Variants in RARA observed in about 807,000 individuals in gnomAD.
The protein encoded by RARA is PML-DDX5-RARA fusion.
Under a neutral mutation model 42.8 loss-of-function variants are expected in RARA, and 5 were observed. The observed-to-expected ratio is 0.12, with a 90% CI of 0.06 to 0.25. The LOEUF is 0.25. Among genes scored for constraint, RARA ranks in the 10% least tolerant of loss-of-function variants. The probability of loss-of-function intolerance (pLI) is 1.00; values close to 1 mark genes in which losing one functional copy is unlikely to be tolerated. For synonymous variants in RARA, 256 were observed against 259.5 expected, an observed-to-expected ratio of 0.99 and a Z score of 0.13; for missense variants, 402 against 628.7, an observed-to-expected ratio of 0.64 and a Z score of 3.86.
chr17:40,346,586 G>A (rs1261796027), intron 2 of RARA, among the ~76,000 whole-genome samples: 1 of 151,942 alleles, frequency 6.6e-6, no homozygotes, highest in Non-Finnish European at 1.5e-5. Flanking sequence ...ACAACAAAGG[G>A]CTGCTTTGTG....
Position 40,352,653 on chromosome 17 carries a change from A to C in RARA, c.807+146A>C. On this transcript the variant is annotated intron_variant, in intron 6 of 8. Coordinates refer to ENST00000254066, the MANE Select transcript of RARA (RefSeq NM_000964.4). This position sits in a 1 kb window ranked among gnomAD's most constrained non-coding sequence, Gnocchi z 4.9. ...CCAAATGTCTGCCCTTCCTCTCCCC[A>C]TATGTCCACCTGTCCACTCGTCTCC... The C allele has an allele frequency of 1.3e-6, 1 of 767,366 alleles. No individual in the cohort carries two copies. The highest frequency in any genetic ancestry group is 2.0e-6 in the Non-Finnish European group (1 of 507,822). The allele number at this position is 767,366 out of a possible 1,614,324, so 47.5% of individuals were successfully genotyped here. A position where few individuals can be genotyped will look rare whatever the true frequency, so the allele number is the denominator to read the frequency against.
At chr17:40,332,264 C>T (rs979135101) in intron 2 of RARA, among the ~76,000 whole-genome samples, 32 of 152,076 alleles carry the variant, frequency 2.1e-4, no homozygotes, top group African/African-American at 9.7e-5. Context: ...AGGAGGGAGC[C>T]GGGGCCTGGC....
intron 2 of RARA, among the ~76,000 whole-genome samples, chr17:40,336,833 C>G (rs1383522606): frequency 1.3e-5 from 2 of 152,084 alleles, no homozygotes; most frequent in Admixed American, 1.3e-4. Context: ...GTAGCTGGGA[C>G]TACAGGCGTG....
intron 2 of RARA, among the ~76,000 whole-genome samples, chr17:40,346,215 A>G (rs899897209): frequency 5.3e-5 from 8 of 152,000 alleles, no homozygotes; most frequent in Non-Finnish European, 1.0e-4. Context: ...TTTGCCCTCT[A>G]GTCTGTCCCA....
intron 1 of RARA, chr17:40,322,917 C>CA (rs896014611): frequency 6.6e-6 from 1 of 152,064 alleles, no homozygotes; most frequent in African/African-American, 2.4e-5. Flanking sequence ...ATCACCCCCC[C>CA]AACACTAAGA....
At chr17:40,315,695 A>C (rs998881029) in intron 1 of RARA, among the ~76,000 whole-genome samples, 7 of 152,048 alleles carry the variant, frequency 4.6e-5, no homozygotes, top group African/African-American at 7.2e-5. Context: ...GTTGTACTAG[A>C]AGTGTGGGCC....
chr17:40,353,002 C>T (rs1262766941), intron 6 of RARA, among the ~76,000 whole-genome samples: 1 of 152,204 alleles, frequency 6.6e-6, no homozygotes, highest in Non-Finnish European at 1.5e-5. Flanking sequence ...CCACCATCCC[C>T]TCTCTTGAAA....
At chr17:40,310,909 T>A (rs1013668179) in intron 1 of RARA, among the ~76,000 whole-genome samples, 3 of 152,120 alleles carry the variant, frequency 2.0e-5, no homozygotes, top group African/African-American at 7.2e-5. Flanking sequence ...TCTTCCCCCA[T>A]CCTTTGCCCA....
At chr17:40,310,366 G>A (rs2033072488) in intron 1 of RARA, among the ~76,000 whole-genome samples, 1 of 151,662 alleles carries the variant, frequency 6.6e-6, no homozygotes, top group African/African-American at 2.4e-5. Flanking sequence ...ATGTGTGAGT[G>A]TGTGTCTTGC....
chr17:40,312,660 G>A (rs762075999), intron 1 of RARA, among the ~76,000 whole-genome samples: 6 of 152,192 alleles, frequency 3.9e-5, no homozygotes, highest in Non-Finnish European at 8.8e-5. Context: ...CTTACCCAGA[G>A]GGGCATGACC....
In RARA at chr17:40,345,816, C is replaced by G. The variant is rs1567759391; in HGVS notation, c.179-2500C>G. Among the ~76,000 whole-genome samples the G allele has an allele frequency of 6.6e-6, 1 of 152,222 alleles. No homozygotes were observed. Among genetic ancestry groups the G allele is most frequent in the Admixed American group, 6.5e-5 (1 of 15,290 alleles). On this transcript the variant is annotated intron_variant, in intron 2 of 8. Transcript: ENST00000254066. This position sits in a 1 kb window ranked among gnomAD's most constrained non-coding sequence, Gnocchi z 4.8. ...GCAGGGAGTTATGGCCGTGTCCTAA[C>G]TCTTGCAGAGGCTGTGAGGATTCCG...
intron 6 of RARA, among the ~76,000 whole-genome samples, chr17:40,353,330 G>T (rs556862065): frequency 6.6e-6 from 1 of 152,164 alleles, no homozygotes. Context: ...AACTGCCAAA[G>T]CCTAGGCTGG....
intron 1 of RARA, among the ~76,000 whole-genome samples, chr17:40,328,818 T>C (rs541799729): frequency 1.3e-5 from 2 of 152,232 alleles, no homozygotes; most frequent in African/African-American, 4.8e-5. Flanking sequence ...CGTCAGTTGA[T>C]GGACTTTTGG....
At chr17:40,328,066 T>G (rs2033593384) in intron 1 of RARA, among the ~76,000 whole-genome samples, 1 of 152,088 alleles carries the variant, frequency 6.6e-6, no homozygotes, top group Non-Finnish European at 1.5e-5. Flanking sequence ...AGGTCCAGAT[T>G]TTACTCCTGG....
chr17:40,356,246 A>G lies in RARA; in HGVS notation c.*20A>G, dbSNP rs1340514647. ...CCGTGACCGCCCACGCCACATGGAC[A>G]CAGCCCTCGCCCTCCGCCCCGGCTT... On this transcript the variant is annotated 3_prime_UTR_variant, in exon 9 of 9. Coordinates refer to ENST00000254066, the MANE Select transcript of RARA (RefSeq NM_000964.4). The G allele has an allele frequency of 6.5e-7, 1 of 1,547,284 alleles. No homozygotes were observed. Among genetic ancestry groups the G allele is most frequent in the Admixed American group, 2.0e-5 (1 of 51,004 alleles).
chr17:40,311,612 C>A (rs1291973907), intron 1 of RARA, among the ~76,000 whole-genome samples: 1 of 152,216 alleles, frequency 6.6e-6, no homozygotes, highest in East Asian at 1.9e-4. Flanking sequence ...GGGGGTGCCA[C>A]ATGTCTGCCT....
rs1173565250 is a variant in RARA at position 40,331,235 on chromosome 17, G to A, written c.17G>A (p.Ser6Asn). The A allele has an allele frequency of 1.2e-6, 2 of 1,612,212 alleles. No individual in the cohort carries two copies. Among genetic ancestry groups the A allele is most frequent in the Non-Finnish European group, 1.7e-6 (2 of 1,179,640 alleles). ...CCGCTTGGCATGGCCAGCAACAGCA[G>A]CTCCTGCCCGACACCTGGGGGCGGG... is the stretch of plus-strand genomic sequence containing the variant. MASNS[S>N]SCPTPGGGHL... Residue 6 changes from serine to asparagine, a missense_variant, in exon 2 of 9, where the codon AGC becomes AAC. Around this residue, in one of 5 missense-constraint regions of RARA, gnomAD observed 91 missense variants for 105.2 expected, o/e 0.87. Coordinates refer to ENST00000254066, the MANE Select transcript of RARA (RefSeq NM_000964.4).
At chr17:40,334,777 T>G (rs1030664349) in intron 2 of RARA, among the ~76,000 whole-genome samples, 3 of 152,036 alleles carry the variant, frequency 2.0e-5, no homozygotes, top group Admixed American at 1.3e-4. Context: ...GGGTCCCTCC[T>G]CCCCCTCATC....
At chr17:40,341,442 G>T in intron 2 of RARA, 1 of 1,526,796 alleles carries the variant, frequency 6.5e-7, no homozygotes, top group Non-Finnish European at 8.8e-7. Context: ...CACAGCGTCC[G>T]AGCTGCACAA....
Sources: gnomAD v4.1 joint callset for allele counts (sites outside exome capture counted in the v4.1 genomes callset) on GRCh38, gnomAD v4.1.1 for gene constraint, gnomAD v4.1.1 regional missense constraint, Gnocchi (gnomAD v3.1) non-coding constraint, MANE v1.5 for transcripts, NCBI Gene and HGNC (gene_info 2026-07-23, HGNC 2026-07-21) for gene names.